Variants in MDFIC2 observed in about 807,000 individuals in gnomAD.
MDFIC2 encodes MyoD family inhibitor domain containing 2.
At chr3:70,215,598 C>G (rs1418057031) in intron 2 of MDFIC2, among the ~76,000 whole-genome samples, 1 of 151,994 alleles carries the variant, frequency 6.6e-6, no homozygotes, top group East Asian at 1.9e-4. Context: ...CCTTTGGGAG[C>G]CCCCAGAAAT....
chr3:70,284,999 A>G (rs1177276773), intron 2 of MDFIC2, among the ~76,000 whole-genome samples: 1 of 151,974 alleles, frequency 6.6e-6, no homozygotes, highest in Admixed American at 6.6e-5. Context: ...AAATCACTGC[A>G]GTTCCAAATT....
At chr3:70,211,780 C>T (rs966644968) in intron 2 of MDFIC2, among the ~76,000 whole-genome samples, 7 of 143,112 alleles carry the variant, frequency 4.9e-5, no homozygotes, top group African/African-American at 1.8e-4. Flanking sequence ...TTCCTTTCCT[C>T]TCCTTTCCTT....
At chr3:70,267,704 C>A (rs973462849) in intron 2 of MDFIC2, among the ~76,000 whole-genome samples, 1 of 151,798 alleles carries the variant, frequency 6.6e-6, no homozygotes, top group Non-Finnish European at 1.5e-5. Context: ...GCGAGAGCCA[C>A]CCCGCCCAGC....
chr3:70,200,731 A>G (rs1391225500), intron 3 of MDFIC2, among the ~76,000 whole-genome samples: 2 of 152,194 alleles, frequency 1.3e-5, no homozygotes, highest in Non-Finnish European at 2.9e-5. Context: ...TGGTTGACTG[A>G]CTAAATCAAT....
intron 2 of MDFIC2, among the ~76,000 whole-genome samples, chr3:70,257,374 T>C (rs574152339): frequency 3.7e-4 from 57 of 152,294 alleles, no homozygotes; most frequent in Admixed American, 1.4e-3. Context: ...GGAATGTCAG[T>C]AGCCATCATT....
intron 2 of MDFIC2, among the ~76,000 whole-genome samples, chr3:70,216,113 A>G (rs1361407971): frequency 3.3e-5 from 5 of 151,790 alleles, no homozygotes; most frequent in African/African-American, 9.7e-5. Context: ...AATATCTGGT[A>G]TATGTGGAAT....
intron 2 of MDFIC2, among the ~76,000 whole-genome samples, chr3:70,301,173 T>G (rs1702345017): frequency 6.6e-6 from 1 of 152,094 alleles, no homozygotes; most frequent in African/African-American, 2.4e-5. Context: ...TAAGTTAATA[T>G]TTTAAAATTA....
At chr3:70,296,432 C>T (rs1451865325) in intron 2 of MDFIC2, among the ~76,000 whole-genome samples, 1 of 152,082 alleles carries the variant, frequency 6.6e-6, no homozygotes. Context: ...ATTCAAGAAA[C>T]ACTGAGCCCC....
At chr3:70,259,358 G>T (rs1701844780) in intron 2 of MDFIC2, among the ~76,000 whole-genome samples, 1 of 151,958 alleles carries the variant, frequency 6.6e-6, no homozygotes, top group Admixed American at 6.6e-5. Flanking sequence ...AAGTGACCTT[G>T]ATAGACAGTG....
chr3:70,206,486 T>C lies in MDFIC2; in HGVS notation c.310+83A>G, dbSNP rs1040602053. The C allele has an allele frequency of 7.6e-6, 3 of 395,980 alleles. No homozygotes were observed. In the South Asian group the frequency reaches 4.2e-4, roughly 55 times the overall value. The allele number at this position is 395,980 out of a possible 1,614,324, so 24.5% of individuals were successfully genotyped here. Reference sequence around the variant, plus strand: ...TTAATATTCATAAGGACTTTTTTTTTCCTAACAGCATATGTGATGATTTTA... The same window carrying C: ...TTAATATTCATAAGGACTTTTTTTTCCCTAACAGCATATGTGATGATTTTA... On this transcript the variant is annotated intron_variant, in intron 3 of 3. Transcript: ENST00000567252.
chr3:70,278,349 C>T (rs1047394044), intron 2 of MDFIC2, among the ~76,000 whole-genome samples: 5 of 152,094 alleles, frequency 3.3e-5, no homozygotes, highest in African/African-American at 1.2e-4. Context: ...TTAGGCTGTT[C>T]CCAGTAGTTG....
At chr3:70,310,490 T>C (rs892757607) in intron 2 of MDFIC2, among the ~76,000 whole-genome samples, 1 of 151,932 alleles carries the variant, frequency 6.6e-6, no homozygotes, top group Non-Finnish European at 1.5e-5. Flanking sequence ...CTCAGCCTCC[T>C]GAGTAGCTGG....
At chr3:70,234,418 G>C (rs1701589060) in intron 2 of MDFIC2, among the ~76,000 whole-genome samples, 1 of 152,122 alleles carries the variant, frequency 6.6e-6, no homozygotes, top group Admixed American at 6.5e-5. Context: ...GGAAGCTGAG[G>C]TAGGTGGATT....
At chr3:70,301,597 T>G (rs910725296) in intron 2 of MDFIC2, among the ~76,000 whole-genome samples, 1 of 152,118 alleles carries the variant, frequency 6.6e-6, no homozygotes, top group African/African-American at 2.4e-5. Flanking sequence ...CGAATGCTTC[T>G]TTTACAGTAG....
At chr3:70,250,484 G>T (rs7612382) in intron 2 of MDFIC2, among the ~76,000 whole-genome samples, 148,808 of 151,820 alleles carry the variant, frequency 0.98, 72,976 homozygotes, top group Non-Finnish European at 1. Context: ...CCAACGAGAT[G>T]TAAATCAACT....
chr3:70,223,913 T>G (rs1462162634), intron 2 of MDFIC2, among the ~76,000 whole-genome samples: 1 of 152,182 alleles, frequency 6.6e-6, no homozygotes, highest in African/African-American at 2.4e-5. Flanking sequence ...ATCTAACTTT[T>G]GTACTCTCCT....
intron 2 of MDFIC2, among the ~76,000 whole-genome samples, chr3:70,264,861 A>T (rs1701901154): frequency 6.6e-6 from 1 of 152,294 alleles, no homozygotes; most frequent in Admixed American, 6.5e-5. Flanking sequence ...GCTAATAAAG[A>T]CATACCATAG....
chr3:70,260,734 T>C (rs192084924), intron 2 of MDFIC2, among the ~76,000 whole-genome samples: 1 of 152,130 alleles, frequency 6.6e-6, no homozygotes, highest in East Asian at 1.9e-4. Flanking sequence ...CCCTTTCACT[T>C]TCAGATTTAG....
intron 2 of MDFIC2, among the ~76,000 whole-genome samples, chr3:70,282,306 T>C (rs565129796): frequency 6.6e-6 from 1 of 152,260 alleles, no homozygotes; most frequent in African/African-American, 2.4e-5. Flanking sequence ...CTTAAGAAGA[T>C]GTATCCACCA....
Sources: allele counts gnomAD v4.1 joint callset (sites outside exome capture counted in the v4.1 genomes callset), GRCh38; gene constraint gnomAD v4.1.1; transcripts MANE v1.5; gene names NCBI Gene and HGNC (gene_info 2026-07-23, HGNC 2026-07-21).